The following ARPP19 variants were observed in gnomAD, a reference collection of about 807,000 sequenced individuals.
ARPP19 encodes the protein cAMP-regulated phosphoprotein 19.
ARPP19 carries 8 observed loss-of-function variants against 12.0 expected under a neutral mutation model. The observed-to-expected ratio is 0.67, with a 90% CI of 0.39 to 1.21. The LOEUF is 1.21. Among genes scored for constraint, ARPP19 ranks in the 50% most tolerant of loss-of-function variants. The pLI is 0.01. For missense variants in ARPP19, 102 were observed against 136.3 expected (o/e 0.75, Z 1.25); for synonymous variants, 47 against 50.4 (o/e 0.93, Z 0.29).
chr15:52,552,295 C>A lies in ARPP19; in HGVS notation c.169-191G>T, dbSNP rs551184406. On this transcript the variant is annotated intron_variant, in intron 2 of 2. Transcript: ENST00000249822. Reference sequence around the variant, plus strand: ...CCGAGAAGCCCCCCTTCAGACTGGGCACAGTGGCTCACTCTTGAAATCCCA... The same window carrying A: ...CCGAGAAGCCCCCCTTCAGACTGGGAACAGTGGCTCACTCTTGAAATCCCA... Among the ~76,000 whole-genome samples, 95 of 152,176 alleles carry A rather than the reference C, an allele frequency of 6.2e-4. 1 individual carries two copies. In the Middle Eastern group the frequency reaches 0.024, roughly 38 times the overall value.
rs1324995576 is a variant in ARPP19, at chr15:52,547,080, C to T, written c.*4854G>A. 6.8e-5 allele frequency: 8 copies of T among 117,130 alleles called. No homozygotes were observed. In the South Asian group the frequency reaches 2.1e-3, roughly 30 times the overall value. 7.3% of individuals were successfully genotyped at this position (117,130 alleles called of 1,614,324 possible). On this transcript the variant is annotated 3_prime_UTR_variant, in exon 3 of 3. Transcript: ENST00000249822. The stretch of plus-strand genomic sequence containing the variant: ...CAAACATTTAATCCTACCTTAAGTA[C>T]AAAGCCTTTACAAATGCAAAAAAAA...
Position 52,568,895 on chromosome 15 carries a change from T to A in ARPP19, c.-3A>T. ...GCCTCGGGGACTTCCGCAGACATAG[T>A]GCTCCCTCTGCAGACGAGACGCCGG... On this transcript the variant is annotated 5_prime_UTR_variant, in exon 1 of 3. Coordinates refer to ENST00000249822, the MANE Select transcript of ARPP19 (RefSeq NM_006628.6). 2.0e-6 allele frequency: 3 copies of A among 1,507,400 alleles called. No individual in the cohort carries two copies. Among genetic ancestry groups the A allele is most frequent in the Non-Finnish European group, 8.9e-7 (1 of 1,124,510 alleles). The allele number at this position is 1,507,400 out of a possible 1,614,324, so 93.4% of individuals were successfully genotyped here.
At chr15:52,553,065 A>G (rs2077950604) in intron 2 of ARPP19, among the ~76,000 whole-genome samples, 1 of 152,136 alleles carries the variant, frequency 6.6e-6, no homozygotes, top group Admixed American at 6.5e-5. Context: ...CGACAGAGCA[A>G]GACTCTGTCT....
At chr15:52,555,876 T>C (rs1038935657) in intron 2 of ARPP19, among the ~76,000 whole-genome samples, 1 of 152,048 alleles carries the variant, frequency 6.6e-6, no homozygotes, top group Non-Finnish European at 1.5e-5. Context: ...CTCTGTTTTT[T>C]ATATTTCCTG....
intron 2 of ARPP19, among the ~76,000 whole-genome samples, chr15:52,552,484 A>G (rs1346747555): frequency 2.0e-5 from 3 of 149,060 alleles, no homozygotes; most frequent in Non-Finnish European, 3.0e-5. Context: ...GCTACTCCAG[A>G]GGTTGAGGCT....
At chr15:52,562,198 T>G (rs898767445) in intron 1 of ARPP19, among the ~76,000 whole-genome samples, 5 of 152,160 alleles carry the variant, frequency 3.3e-5, no homozygotes, top group Non-Finnish European at 5.9e-5. Context: ...AAAGATAAAG[T>G]AGTTAAGATA....
chr15:52,554,069 G>A (rs1416652620), intron 2 of ARPP19, among the ~76,000 whole-genome samples: 2 of 152,206 alleles, frequency 1.3e-5, no homozygotes, highest in Admixed American at 6.5e-5. Flanking sequence ...AGCTATTTCT[G>A]AATTTTGTAG....
rs1357585700 is a variant in ARPP19 at position 52,549,472 on chromosome 15, T to C, written c.*2462A>G. The C allele has an allele frequency of 2.0e-5, 3 of 152,620 alleles. No homozygotes were observed. The highest frequency in any genetic ancestry group is 2.9e-5 in the Non-Finnish European group (2 of 68,034). 9.5% of individuals were successfully genotyped at this position (152,620 alleles called of 1,614,324 possible). A position where few individuals can be genotyped will look rare whatever the true frequency, so the allele number is the denominator to read the frequency against. On this transcript the variant is annotated 3_prime_UTR_variant, in exon 3 of 3. Coordinates refer to ENST00000249822, the MANE Select transcript of ARPP19 (RefSeq NM_006628.6). ...TCTCTCCTAATGAAAAATCCTGAGATTTAAGCACTGTGACTTACAGAAGGC... is the reference window on the plus strand; with the variant it reads ...TCTCTCCTAATGAAAAATCCTGAGACTTAAGCACTGTGACTTACAGAAGGC...
At chr15:52,558,745 AT>A (rs1420403899) in intron 1 of ARPP19, among the ~76,000 whole-genome samples, 1 of 151,698 alleles carries the variant, frequency 6.6e-6, no homozygotes, top group Admixed American at 6.6e-5. Context: ...ACTTCATAAA[AT>A]TTTGGCATAT....
chr15:52,564,323 G>A (rs2078062085), intron 1 of ARPP19: 1 of 1,090,664 alleles, frequency 9.2e-7, no homozygotes. Context: ...TGAGGTGGGA[G>A]GCTAGGTGAA....
At chr15:52,562,549 G>A (rs572420294) in intron 1 of ARPP19, among the ~76,000 whole-genome samples, 1 of 152,122 alleles carries the variant, frequency 6.6e-6, no homozygotes, top group South Asian at 2.1e-4. Flanking sequence ...ATGCTTATAT[G>A]CCTATAGTCC....
At chr15:52,558,837 G>GC (rs958122937) in intron 1 of ARPP19, among the ~76,000 whole-genome samples, 11 of 151,114 alleles carry the variant, frequency 7.3e-5, no homozygotes, top group African/African-American at 2.7e-4. Context: ...TGTACCCACG[G>GC]GGGGGAAAAA....
At chr15:52,553,534 A>G (rs1209212461) in intron 2 of ARPP19, among the ~76,000 whole-genome samples, 1 of 152,220 alleles carries the variant, frequency 6.6e-6, no homozygotes, top group Non-Finnish European at 1.5e-5. Context: ...TGAGAGCTGG[A>G]GTCAGATACA....
Position 52,551,554 on chromosome 15 carries a change from TCAATA to T in ARPP19, c.*375_*379del, listed in dbSNP as rs1235170248. The stretch of plus-strand genomic sequence containing the variant: ...ATCCAAAAGGTAAATACAGAAGAAA[TCAATA>T]CAATAGAGATTATATTAAATAAGAG... On this transcript the variant is annotated 3_prime_UTR_variant, in exon 3 of 3. Coordinates refer to ENST00000249822, the MANE Select transcript of ARPP19 (RefSeq NM_006628.6). The T allele has an allele frequency of 2.5e-5, 4 of 157,000 alleles. No individual in the cohort carries two copies. In the East Asian group the frequency reaches 7.5e-4, roughly 30 times the overall value. The allele number at this position is 157,000 out of a possible 1,614,324, so 9.7% of individuals were successfully genotyped here.
At chr15:52,561,846 T>C (rs1393934466) in intron 1 of ARPP19, among the ~76,000 whole-genome samples, 2 of 149,618 alleles carry the variant, frequency 1.3e-5, no homozygotes, top group Non-Finnish European at 3.0e-5. Context: ...AGGACATAGG[T>C]TGAAAGTAAA....
intron 1 of ARPP19, among the ~76,000 whole-genome samples, chr15:52,565,137 T>G (rs769085617): frequency 6.6e-6 from 1 of 151,112 alleles, no homozygotes; most frequent in Non-Finnish European, 1.5e-5. Context: ...GGTTTTGACC[T>G]CCTGGAGGTC....
chr15:52,560,394 T>G lies in ARPP19; in HGVS notation c.46-3172A>C, dbSNP rs192308891. Among the ~76,000 whole-genome samples the G allele has an allele frequency of 1.5e-3, 231 of 152,358 alleles. 2 individuals carry two copies. The highest frequency in any genetic ancestry group is 3.8e-4 in the Non-Finnish European group (26 of 68,042). ...TTTGGGTAAAACAGCATCTATGAGC[T>G]GCAAATGTCATTTATATTTAGAATG... On this transcript the variant is annotated intron_variant, in intron 1 of 2. Coordinates refer to ENST00000249822, the MANE Select transcript of ARPP19 (RefSeq NM_006628.6).
Position 52,568,996 on chromosome 15 carries a change from G to C in ARPP19, c.-104C>G, listed in dbSNP as rs1266728561. On this transcript the variant is annotated 5_prime_UTR_variant, in exon 1 of 3. Transcript: ENST00000249822. ...CAGCTCTCCCAGGGCCCGCCGGGCC[G>C]CCTCCGCCCGCGAAAATGGCCGCCG... is the stretch of plus-strand genomic sequence containing the variant. 4 of 793,646 alleles carry C rather than the reference G, an allele frequency of 5.0e-6. No homozygotes were observed. Among genetic ancestry groups the C allele is most frequent in the Non-Finnish European group, 7.9e-6 (4 of 505,888 alleles). The allele number at this position is 793,646 out of a possible 1,614,324, so 49.2% of individuals were successfully genotyped here. A position where few individuals can be genotyped will look rare whatever the true frequency, so the allele number is the denominator to read the frequency against.
chr15:52,568,483 G>A (rs1332740243), intron 1 of ARPP19: 1 of 209,660 alleles, frequency 4.8e-6, no homozygotes, highest in African/African-American at 2.3e-5. Flanking sequence ...AATACAAGTA[G>A]TTGGAGAGTT....
Sources: allele counts gnomAD v4.1 joint callset (sites outside exome capture counted in the v4.1 genomes callset), GRCh38; gene constraint gnomAD v4.1.1; transcripts MANE v1.5; gene names NCBI Gene and HGNC (gene_info 2026-07-23, HGNC 2026-07-21).